XPNPEP3: variants seen among roughly 807,000 people sequenced by gnomAD.
XPNPEP3 encodes xaa-Pro aminopeptidase 3.
In XPNPEP3, 41 loss-of-function variants were observed where a neutral mutation model predicts 60.0. That is an observed-to-expected ratio of 0.68 (90% CI 0.53 to 0.89). XPNPEP3 has a LOEUF of 0.89. Among genes scored for constraint, XPNPEP3 ranks in the 40% least tolerant of loss-of-function variants. The probability of loss-of-function intolerance (pLI) is 0.00; values close to 1 mark genes in which losing one functional copy is unlikely to be tolerated. For missense variants in XPNPEP3, 598 were observed against 638.9 expected, an observed-to-expected ratio of 0.94 and a Z score of 0.69; for synonymous variants, 212 against 223.2, an observed-to-expected ratio of 0.95 and a Z score of 0.45.
chr22:40,926,355 C>G lies in XPNPEP3; in HGVS notation c.1444C>G (p.Gln482Glu). Residue 482 changes from glutamine (Q) to glutamate (E), a missense_variant, in exon 10 of 10, where the codon CAG (glutamine) becomes GAG (glutamate). Transcript: ENST00000357137. ...VRIEDDVVVT[Q>E]DSPLILSADC... ...AATTGAGGATGATGTAGTGGTGACTCAGGACTCACCTCTCATCCTTTCTGC... is the reference window on the plus strand; with the variant it reads ...AATTGAGGATGATGTAGTGGTGACTGAGGACTCACCTCTCATCCTTTCTGC... 3 of 1,614,100 alleles carry G rather than the reference C, an allele frequency of 1.9e-6. No individual in the cohort carries two copies. The highest frequency in any genetic ancestry group is 2.5e-6 in the Non-Finnish European group (3 of 1,180,002).
chr22:40,864,487 C>T (rs2061574951), intron 1 of XPNPEP3, among the ~76,000 whole-genome samples: 1 of 151,978 alleles, frequency 6.6e-6, no homozygotes, highest in Admixed American at 6.6e-5. Flanking sequence ...CTCTTATTGC[C>T]CAGGCTGGAG....
At chr22:40,911,620 A>G (rs559592438) in intron 6 of XPNPEP3, among the ~76,000 whole-genome samples, 1 of 149,992 alleles carries the variant, frequency 6.7e-6, no homozygotes, top group South Asian at 2.1e-4. Flanking sequence ...GCTCACTGCA[A>G]CCTCCCTCTA....
rs931816567 is a variant in XPNPEP3, at chr22:40,928,534, C to T, written c.*2099C>T. 1 of 151,990 alleles carries T rather than the reference C, an allele frequency of 6.6e-6. No homozygotes were observed. The highest frequency in any genetic ancestry group is 1.5e-5 in the Non-Finnish European group (1 of 67,976). The allele number at this position is 151,990 out of a possible 1,614,324, so 9.4% of individuals were successfully genotyped here. ...AGAGTCATATTTTTTTAAACACAAA[C>T]ATTGGATACAATTATACAGCAACTC... On this transcript the variant is annotated 3_prime_UTR_variant, in exon 10 of 10. Coordinates refer to ENST00000357137, the MANE Select transcript of XPNPEP3 (RefSeq NM_022098.4).
intron 3 of XPNPEP3, among the ~76,000 whole-genome samples, 193 bp downstream of exon 3, chr22:40,882,370 C>G (rs2058051694): frequency 6.6e-6 from 1 of 152,190 alleles, no homozygotes; most frequent in African/African-American, 2.4e-5. Flanking sequence ...GGTGCATTGG[C>G]TCACGCCCGT....
At position 40,882,153 on chromosome 22, in the gene XPNPEP3, C is replaced by A; in HGVS notation, c.565C>A (p.Gln189Lys). ...CGAAGCCTATACGCTAGAAGAATTT[C>A]AACATCTTCTACCAAAAATGAAAGG... ...VDEAYTLEEF[Q>K]HLLPKMKAET... Residue 189 changes from glutamine to lysine, a missense_variant, in exon 3 of 10, where the codon CAA becomes AAA. Physicochemically the swap from Gln to Lys is moderately conservative, Grantham distance 53 (BLOSUM62 1). Transcript: ENST00000357137. 6.2e-7 allele frequency: 1 copy of A among 1,614,140 alleles called. No individual in the cohort carries two copies. The highest frequency in any genetic ancestry group is 8.5e-7 in the Non-Finnish European group (1 of 1,180,022).
intron 2 of XPNPEP3, among the ~76,000 whole-genome samples, chr22:40,872,126 C>G (rs2058008349): frequency 6.6e-6 from 1 of 152,166 alleles, no homozygotes; most frequent in Non-Finnish European, 1.5e-5. Flanking sequence ...CCTACCTATC[C>G]AAGTTTCCTG....
chr22:40,899,817 CAAA>C (rs1336628860), intron 4 of XPNPEP3, among the ~76,000 whole-genome samples: 3 of 54,260 alleles, frequency 5.5e-5, no homozygotes, highest in African/African-American at 5.5e-5. Context: ...GACTCTATCT[CAAA>C]AAAAAAAAAA....
At chr22:40,865,635 C>A (rs943640863) in intron 1 of XPNPEP3, among the ~76,000 whole-genome samples, 2 of 150,524 alleles carry the variant, frequency 1.3e-5, no homozygotes, top group Non-Finnish European at 3.0e-5. Flanking sequence ...GCATAGTCCT[C>A]CCCACTTCTT....
chr22:40,899,177 C>G (rs1428992770), intron 4 of XPNPEP3, among the ~76,000 whole-genome samples: 2 of 152,208 alleles, frequency 1.3e-5, no homozygotes, highest in East Asian at 3.9e-4. Flanking sequence ...TGTCAACTTG[C>G]CACTCGAATT....
chr22:40,899,541 C>G (rs1017611653), intron 4 of XPNPEP3, among the ~76,000 whole-genome samples: 103 of 151,698 alleles, frequency 6.8e-4, no homozygotes, highest in African/African-American at 2.5e-3. Flanking sequence ...TGAAGTTGTG[C>G]CCGGGCACAG....
intron 2 of XPNPEP3, among the ~76,000 whole-genome samples, chr22:40,879,399 A>G (rs922137809): frequency 2.0e-5 from 3 of 152,296 alleles, no homozygotes; most frequent in Non-Finnish European, 2.9e-5. Flanking sequence ...GATAAACTAT[A>G]TATAGGTAAA....
chr22:40,903,213 G>T (rs2146266620), intron 4 of XPNPEP3, among the ~76,000 whole-genome samples: 1 of 152,304 alleles, frequency 6.6e-6, no homozygotes, highest in Admixed American at 6.5e-5. Context: ...TTTCAGACCT[G>T]CTGGAATTAA....
chr22:40,885,880 G>T (rs147756867), intron 3 of XPNPEP3, among the ~76,000 whole-genome samples: 2,852 of 152,224 alleles, frequency 0.019, 83 homozygotes, highest in African/African-American at 0.063. Context: ...TACTTGGGAG[G>T]CTGAGGCAGA....
intron 1 of XPNPEP3, chr22:40,862,237 CT>C (rs927749872): frequency 8.1e-6 from 10 of 1,239,830 alleles, no homozygotes; most frequent in Non-Finnish European, 1.0e-5. Context: ...GGGACTGGAC[CT>C]TCCAAATAGA....
At chr22:40,918,113 G>A (rs1427929329) in intron 7 of XPNPEP3, among the ~76,000 whole-genome samples, 2 of 151,736 alleles carry the variant, frequency 1.3e-5, no homozygotes, top group African/African-American at 4.8e-5. Context: ...GGCTCACACT[G>A]GTAATCCCAG....
intron 2 of XPNPEP3, among the ~76,000 whole-genome samples, chr22:40,880,853 A>G (rs983296495): frequency 1.3e-5 from 2 of 152,010 alleles, no homozygotes; most frequent in African/African-American, 4.8e-5. Context: ...TTCATTATAT[A>G]AAATCTCTGC....
rs2058258979 is a variant in XPNPEP3 at position 40,932,707 on chromosome 22, C to G, written c.*6272C>G. ...ATATAAGTTCAGTTTAGACAAAATG[C>G]TGTTACTTTTTAAGGCATTACTAAT... On this transcript the variant is annotated 3_prime_UTR_variant, in exon 10 of 10. Transcript: ENST00000357137. The G allele has an allele frequency of 6.6e-6, 1 of 152,114 alleles. No individual in the cohort carries two copies. The allele number at this position is 152,114 out of a possible 1,614,324, so 9.4% of individuals were successfully genotyped here.
intron 4 of XPNPEP3, among the ~76,000 whole-genome samples, chr22:40,903,209 A>T (rs2058141579): frequency 6.6e-6 from 1 of 152,124 alleles, no homozygotes; most frequent in Non-Finnish European, 1.5e-5. Context: ...CTAATTTCAG[A>T]CCTGCTGGAA....
At chr22:40,862,192 G>A in intron 1 of XPNPEP3, 1 of 1,381,552 alleles carries the variant, frequency 7.2e-7, no homozygotes, top group Non-Finnish European at 9.4e-7. Flanking sequence ...ATGTCAGAGA[G>A]GGCTGCATTA....
Sources: gnomAD v4.1 joint callset for allele counts (sites outside exome capture counted in the v4.1 genomes callset) on GRCh38, gnomAD v4.1.1 for gene constraint, MANE v1.5 for transcripts, NCBI Gene and HGNC (gene_info 2026-07-23, HGNC 2026-07-21) for gene names.